Variants in CNTNAP5 observed in about 807,000 individuals in gnomAD.
CNTNAP5 encodes contactin associated protein family member 5.
CNTNAP5 carries 72 observed loss-of-function variants against 150.2 expected under a neutral mutation model. That is an observed-to-expected ratio of 0.48 (90% confidence interval 0.40 to 0.58). The LOEUF (loss-of-function observed/expected upper bound fraction) is 0.58. CNTNAP5 is among the 20% of genes least tolerant of loss of function. CNTNAP5 has a pLI of 0.00. For missense variants in CNTNAP5, 1,636 were observed against 1,626.2 expected (o/e 1.01, Z -0.10); for synonymous variants, 672 against 619.8 (o/e 1.08, Z -1.25).
At chr2:124,292,709 TTGAC>T (rs780446163) in intron 3 of CNTNAP5, among the ~76,000 whole-genome samples, 1 of 152,082 alleles carries the variant, frequency 6.6e-6, no homozygotes. Flanking sequence ...TATAAAATAT[TTGAC>T]TGAAATATGT....
rs375092476 is a variant in CNTNAP5 at position 124,721,457 on chromosome 2, G to A, written c.2078-25772G>A. Reference sequence around the variant, plus strand: ...AGATCATGCCACTGCACTCCAGCCTGGGTGACAGAGTGAGACTCCATCTCA... The same window carrying A: ...AGATCATGCCACTGCACTCCAGCCTAGGTGACAGAGTGAGACTCCATCTCA... On this transcript the variant is annotated intron_variant, in intron 13 of 23. Transcript: ENST00000682447. Among the ~76,000 whole-genome samples the A allele has an allele frequency of 5.3e-3, 798 of 150,354 alleles. 9 individuals carry two copies. Among genetic ancestry groups the A allele is most frequent in the African/African-American group, 0.018 (740 of 40,052 alleles).
At chr2:124,269,177 C>A (rs1687683394) in intron 3 of CNTNAP5, among the ~76,000 whole-genome samples, 1 of 152,130 alleles carries the variant, frequency 6.6e-6, no homozygotes, top group African/African-American at 2.4e-5. Flanking sequence ...CTCTACTTTG[C>A]TGACTTCCTA....
chr2:124,310,057 C>CTTTTTTTT (rs68193263), intron 3 of CNTNAP5, among the ~76,000 whole-genome samples: 1 of 144,656 alleles, frequency 6.9e-6, no homozygotes, highest in African/African-American at 2.5e-5. Flanking sequence ...AATCTCTTAC[C>CTTTTTTTT]TTTTTTTTTT....
At chr2:124,488,703 T>C (rs1693948594) in intron 7 of CNTNAP5, among the ~76,000 whole-genome samples, 1 of 152,338 alleles carries the variant, frequency 6.6e-6, no homozygotes, top group South Asian at 2.1e-4. Context: ...AGGTGCATAG[T>C]AAATATTCAT....
At chr2:124,331,770 T>C (rs888170445) in intron 3 of CNTNAP5, among the ~76,000 whole-genome samples, 1 of 152,006 alleles carries the variant, frequency 6.6e-6, no homozygotes, top group Non-Finnish European at 1.5e-5. Context: ...TTTTTACAGC[T>C]AATCAGAAGA....
At chr2:124,246,784 T>C (rs1687040094) in intron 3 of CNTNAP5, among the ~76,000 whole-genome samples, 1 of 152,106 alleles carries the variant, frequency 6.6e-6, no homozygotes, top group African/African-American at 2.4e-5. Context: ...TCCTCAGCTA[T>C]TCATCACATA....
chr2:124,802,022 C>T (rs1281671906), intron 19 of CNTNAP5, among the ~76,000 whole-genome samples: 1 of 152,150 alleles, frequency 6.6e-6, no homozygotes, highest in African/African-American at 2.4e-5. Flanking sequence ...ACCTTTGTGA[C>T]TGAAGATAGC....
chr2:124,502,658 G>A (rs1252926416), intron 7 of CNTNAP5, among the ~76,000 whole-genome samples: 1 of 152,188 alleles, frequency 6.6e-6, no homozygotes, highest in Non-Finnish European at 1.5e-5. Context: ...TCTTCCAAAA[G>A]ACAGCCCTAC....
At chr2:124,227,877 G>T (rs932783166) in intron 2 of CNTNAP5, among the ~76,000 whole-genome samples, 56 of 151,372 alleles carry the variant, frequency 3.7e-4, no homozygotes, top group African/African-American at 1.3e-3. Flanking sequence ...CAGAACCAAC[G>T]GGATATATAT....
In CNTNAP5 at chr2:124,242,270, A is replaced by G. The variant is rs953863371; in HGVS notation, c.258A>G (p.Val86=). ...TCCAGATGGACCTGGGAAACAGAGT[A>G]GAGATTACAGCAGTGGCCACGCAGG... is the stretch of plus-strand genomic sequence containing the variant. ...QWLQMDLGNR[V]EITAVATQGR... Residue 86 remains valine (V), a synonymous_variant, in exon 3 of 24, where the codon GTA becomes GTG. Coordinates refer to ENST00000682447, the MANE Select transcript of CNTNAP5 (RefSeq NM_001367498.1). The G allele has an allele frequency of 1.9e-6, 3 of 1,608,978 alleles. No homozygotes were observed. Among genetic ancestry groups the G allele is most frequent in the African/African-American group, 2.7e-5 (2 of 74,840 alleles).
rs143494572 is a variant in CNTNAP5, at chr2:124,519,824, T to C, written c.1328-4479T>C. The stretch of plus-strand genomic sequence containing the variant: ...TGGAGAAAATTTTCCAAGTCTTTAT[T>C]TGATTCCTAGGAAAGCGCAGGGCAG... On this transcript the variant is annotated intron_variant, in intron 8 of 23. Transcript: ENST00000682447. 1.3e-3 allele frequency among the ~76,000 whole-genome samples: 192 copies of C among 152,308 alleles called. 1 individual carries two copies. In the Middle Eastern group the frequency reaches 0.014, roughly 11 times the overall value.
chr2:124,885,422 CTCTT>C (rs1309333812), intron 21 of CNTNAP5, among the ~76,000 whole-genome samples: 6 of 151,982 alleles, frequency 3.9e-5, no homozygotes, highest in Admixed American at 1.3e-4. Flanking sequence ...ATAATACCCT[CTCTT>C]TATTTTTTAT....
At chr2:124,577,219 A>G (rs557838137) in intron 11 of CNTNAP5, among the ~76,000 whole-genome samples, 6 of 152,148 alleles carry the variant, frequency 3.9e-5, no homozygotes, top group South Asian at 2.1e-4. Context: ...CATGAAGTAC[A>G]CTGGTGGGCT....
At chr2:124,719,703 T>TAAC (rs943216336) in intron 13 of CNTNAP5, among the ~76,000 whole-genome samples, 1 of 152,200 alleles carries the variant, frequency 6.6e-6, no homozygotes, top group Non-Finnish European at 1.5e-5. Flanking sequence ...CCATTTTTTT[T>TAAC]AACTCTCAAT....
intron 1 of CNTNAP5, among the ~76,000 whole-genome samples, chr2:124,200,423 T>G (rs894199797): frequency 6.6e-6 from 1 of 152,194 alleles, no homozygotes; most frequent in South Asian, 2.1e-4. Flanking sequence ...GTTTTCAAAT[T>G]TATTGACATA....
At chr2:124,345,466 A>T (rs1389687152) in intron 3 of CNTNAP5, among the ~76,000 whole-genome samples, 12 of 152,278 alleles carry the variant, frequency 7.9e-5, no homozygotes, top group Admixed American at 2.6e-4. Context: ...TGTCATTAGT[A>T]TGGGGGAGGA....
chr2:124,225,136 C>T (rs1686423546), intron 2 of CNTNAP5, among the ~76,000 whole-genome samples: 2 of 152,112 alleles, frequency 1.3e-5, no homozygotes, highest in South Asian at 2.1e-4. Context: ...CCTCCCTCTT[C>T]CCCTGGTTGT....
At chr2:124,047,290 A>G (rs940498861) in intron 1 of CNTNAP5, among the ~76,000 whole-genome samples, 25 of 152,230 alleles carry the variant, frequency 1.6e-4, no homozygotes, top group African/African-American at 6.0e-4. Flanking sequence ...ACTCAGGGAG[A>G]CTGCCTCTAG....
chr2:124,715,743 C>T (rs1349079919), intron 13 of CNTNAP5, among the ~76,000 whole-genome samples: 1 of 152,108 alleles, frequency 6.6e-6, no homozygotes, highest in Non-Finnish European at 1.5e-5. Context: ...ATGCAATCTT[C>T]ATCTGGGTGA....
Sources: allele counts gnomAD v4.1 joint callset (sites outside exome capture counted in the v4.1 genomes callset), GRCh38; gene constraint gnomAD v4.1.1; transcripts MANE v1.5; gene names NCBI Gene and HGNC (gene_info 2026-07-23, HGNC 2026-07-21).